Variants in CNTN6 observed in about 807,000 individuals in gnomAD.
CNTN6 encodes contactin-6.
A neutral mutation model predicts 122.8 loss-of-function variants in CNTN6; 137 were observed. The ratio of observed to expected loss-of-function variants is 1.12; its 90% confidence interval spans 0.97 to 1.29. The LOEUF (loss-of-function observed/expected upper bound fraction) is 1.29, where lower values mean the gene tolerates loss of function less well. CNTN6 is among the 50% of genes most tolerant of loss of function. CNTN6 has a pLI of 0.00. For synonymous variants in CNTN6, 570 were observed against 426.0 expected, an observed-to-expected ratio of 1.34 and a Z score of -4.16; for missense variants, 1,634 against 1,223.4, an observed-to-expected ratio of 1.34 and a Z score of -5.01.
chr3:1,245,248 A>G lies in CNTN6; in HGVS notation c.358+17255A>G, dbSNP rs1200594121. On this transcript the variant is annotated intron_variant, in intron 4 of 22. Coordinates refer to ENST00000446702, the MANE Select transcript of CNTN6 (RefSeq NM_001289080.2). ...TATATATATATATACACACACACATATATATATAACATATATATATATATA... is the reference window on the plus strand; with the variant it reads ...TATATATATATATACACACACACATGTATATATAACATATATATATATATA... Among the ~76,000 whole-genome samples, 4 of 27,884 alleles carry G rather than the reference A, an allele frequency of 1.4e-4. 1 individual carries two copies. The East Asian group carries it at 3.5e-3, about 24-fold the overall frequency. 18.3% of individuals were successfully genotyped at this position (27,884 alleles called of 152,430 possible).
At chr3:1,332,560 G>A (rs1559849956) in intron 11 of CNTN6, among the ~76,000 whole-genome samples, 2 of 144,670 alleles carry the variant, frequency 1.4e-5, no homozygotes, top group East Asian at 2.0e-4. Context: ...GAGAAAGAGG[G>A]GGAAAGAAAG....
In CNTN6 at chr3:1,396,955, G is replaced by A. The variant is rs550495512; in HGVS notation, c.2705-4478G>A. 4.3e-4 allele frequency among the ~76,000 whole-genome samples: 66 copies of A among 152,316 alleles called. 2 individuals carry two copies. In the South Asian group the frequency reaches 6.4e-3, roughly 15 times the overall value. On this transcript the variant is annotated intron_variant, in intron 20 of 22. Coordinates refer to ENST00000446702, the MANE Select transcript of CNTN6 (RefSeq NM_001289080.2). ...TGTCTAGATTTGTAATCTGATATTT[G>A]ATCTTCCATTGGAAAGTCTGAAAAA... is the stretch of plus-strand genomic sequence containing the variant.
intron 20 of CNTN6, among the ~76,000 whole-genome samples, chr3:1,396,884 C>G (rs1285560869): frequency 6.6e-6 from 1 of 152,092 alleles, no homozygotes; most frequent in Admixed American, 6.6e-5. Context: ...TCAAGATTAC[C>G]TCTCAATAGT....
rs780759237 is a variant in CNTN6 at position 1,298,022 on chromosome 3, T to G, written c.761+31T>G. On this transcript the variant is annotated intron_variant, in intron 7 of 22. Transcript: ENST00000446702. ...GTTTTTGTTTTTGTTTTTGTTTTCCTGGTTGCATTAATTTTTTTTTATTAA... is the reference window on the plus strand; with the variant it reads ...GTTTTTGTTTTTGTTTTTGTTTTCCGGGTTGCATTAATTTTTTTTTATTAA... The G allele has an allele frequency of 1.1e-5, 17 of 1,505,002 alleles. No individual in the cohort carries two copies. The South Asian group carries it at 1.9e-4, about 17-fold the overall frequency. The allele number at this position is 1,505,002 out of a possible 1,614,324, so 93.2% of individuals were successfully genotyped here.
At chr3:1,185,896 A>C (rs1331134662) in intron 2 of CNTN6, among the ~76,000 whole-genome samples, 1 of 152,196 alleles carries the variant, frequency 6.6e-6, no homozygotes, top group Non-Finnish European at 1.5e-5. Flanking sequence ...ATTGTAAATT[A>C]TTTAGTTCCT....
chr3:1,131,415 G>C (rs2092332856), intron 1 of CNTN6, among the ~76,000 whole-genome samples: 1 of 4,818 alleles, frequency 2.1e-4, no homozygotes, highest in Non-Finnish European at 3.8e-4. Flanking sequence ...TGCTTAGGGG[G>C]TTGCTCTCCT....
At chr3:1,222,168 C>G (rs115062674) in intron 3 of CNTN6, among the ~76,000 whole-genome samples, 2,514 of 152,196 alleles carry the variant, frequency 0.017, 81 homozygotes, top group African/African-American at 0.057. Context: ...TTTATCATAC[C>G]CAAACCAGTG....
At chr3:1,097,310 T>C (rs1488237846) in intron 1 of CNTN6, among the ~76,000 whole-genome samples, 1 of 152,244 alleles carries the variant, frequency 6.6e-6, no homozygotes, top group Non-Finnish European at 1.5e-5. Context: ...TCAAAATCTG[T>C]AGACTCAAAT....
At chr3:1,264,624 T>A (rs2094898339) in intron 4 of CNTN6, among the ~76,000 whole-genome samples, 1 of 152,150 alleles carries the variant, frequency 6.6e-6, no homozygotes, top group South Asian at 2.1e-4. Context: ...GGGTAAAATG[T>A]GGTATTTTGA....
chr3:1,141,692 A>G (rs534799942), intron 1 of CNTN6, among the ~76,000 whole-genome samples: 1 of 152,204 alleles, frequency 6.6e-6, no homozygotes, highest in East Asian at 1.9e-4. Flanking sequence ...GTCCAAGTCC[A>G]TGTAACCTAG....
intron 11 of CNTN6, among the ~76,000 whole-genome samples, chr3:1,345,073 C>G (rs1322313923): frequency 2.0e-5 from 3 of 151,464 alleles, no homozygotes; most frequent in African/African-American, 7.3e-5. Flanking sequence ...TTTGCCTGGA[C>G]AGGGGTATCA....
intron 5 of CNTN6, among the ~76,000 whole-genome samples, chr3:1,279,383 A>AACTG (rs397815858): frequency 1.3e-5 from 2 of 151,614 alleles, no homozygotes; most frequent in African/African-American, 4.9e-5. Context: ...ATATCACACT[A>AACTG]TATTATAGAA....
Position 1,325,895 on chromosome 3 carries a change from G to A in CNTN6, c.1027G>A (p.Gly343Arg), listed in dbSNP as rs1701472216. 1 of 1,611,662 alleles carries A rather than the reference G, an allele frequency of 6.2e-7. No homozygotes were observed. The highest frequency in any genetic ancestry group is 8.5e-7 in the Non-Finnish European group (1 of 1,178,656). The change falls in exon 9 of 23, where the codon GGA (glycine) becomes AGA (arginine). Residue 343 changes from glycine to arginine, a missense_variant. Transcript: ENST00000446702. ...DNLLWECKAS[G>R]KPNPWYTWLK... ...CTTGCTCTGGGAATGTAAAGCTAGT[G>A]GAAAGCCAAACCCTTGGTATACATG...
intron 1 of CNTN6, among the ~76,000 whole-genome samples, chr3:1,110,147 A>G (rs1254168593): frequency 6.6e-6 from 1 of 152,044 alleles, no homozygotes; most frequent in African/African-American, 2.4e-5. Flanking sequence ...TGCATTCAAA[A>G]GGCAGTGAAC....
intron 4 of CNTN6, among the ~76,000 whole-genome samples, chr3:1,276,269 C>T (rs1692341821): frequency 2.0e-5 from 3 of 152,008 alleles, no homozygotes; most frequent in Admixed American, 6.6e-5. Flanking sequence ...TTGTTTTCTT[C>T]CACAGTAGGA....
intron 4 of CNTN6, among the ~76,000 whole-genome samples, chr3:1,244,541 A>G (rs1214186449): frequency 1.3e-5 from 2 of 152,130 alleles, no homozygotes; most frequent in African/African-American, 2.4e-5. Flanking sequence ...GAGAAGAGGT[A>G]GAGAGGTAGG....
chr3:1,264,294 G>T (rs1038455510), intron 4 of CNTN6, among the ~76,000 whole-genome samples: 15 of 151,990 alleles, frequency 9.9e-5, no homozygotes, highest in Non-Finnish European at 1.6e-4. Flanking sequence ...AGCCAAGTAG[G>T]GTTATTTTTT....
chr3:1,300,976 T>A (rs77193478), intron 7 of CNTN6, among the ~76,000 whole-genome samples: 4,983 of 151,504 alleles, frequency 0.033, 313 homozygotes, highest in African/African-American at 0.11. Flanking sequence ...ATAATCAACG[T>A]ATTATTAAAT....
chr3:1,278,586 A>C, intron 5 of CNTN6, 78 bp downstream of exon 5: 15 of 954,686 alleles, frequency 1.6e-5, no homozygotes, highest in Non-Finnish European at 2.2e-5. Flanking sequence ...TCTTAGGCTC[A>C]GTGATCACCT....
Sources: gnomAD v4.1 joint callset for allele counts (sites outside exome capture counted in the v4.1 genomes callset) on GRCh38, gnomAD v4.1.1 for gene constraint, MANE v1.5 for transcripts, NCBI Gene and HGNC (gene_info 2026-07-23, HGNC 2026-07-21) for gene names.